The following CABCOCO1 variants were observed in gnomAD, a reference collection of about 807,000 sequenced individuals.
CABCOCO1 encodes ciliary associated calcium binding coiled-coil 1.
CABCOCO1 carries 28 observed loss-of-function variants against 35.7 expected under a neutral mutation model. That is an observed-to-expected ratio of 0.78 (90% CI 0.58 to 1.07). The LOEUF is 1.07. Among genes scored for constraint, CABCOCO1 ranks in the 50% least tolerant of loss-of-function variants. The probability of loss-of-function intolerance (pLI) is 0.00; values close to 1 mark genes in which losing one functional copy is unlikely to be tolerated. For missense variants in CABCOCO1, 326 were observed against 309.2 expected, an observed-to-expected ratio of 1.05 and a Z score of -0.41; for synonymous variants, 95 against 100.1, an observed-to-expected ratio of 0.95 and a Z score of 0.30.
At chr10:61,681,687 G>T (rs1357117379) in intron 3 of CABCOCO1, among the ~76,000 whole-genome samples, 2 of 152,038 alleles carry the variant, frequency 1.3e-5, no homozygotes, top group South Asian at 4.1e-4. Flanking sequence ...TAGAATATTA[G>T]GCAGCTATAA....
At chr10:61,717,314 T>C (rs928220461) in intron 5 of CABCOCO1, among the ~76,000 whole-genome samples, 2 of 152,200 alleles carry the variant, frequency 1.3e-5, no homozygotes, top group African/African-American at 4.8e-5. Context: ...ATTCATTTCA[T>C]ATTTAATGGA....
At chr10:61,677,646 T>C (rs989237080) in intron 2 of CABCOCO1, among the ~76,000 whole-genome samples, 2 of 151,956 alleles carry the variant, frequency 1.3e-5, no homozygotes, top group Non-Finnish European at 2.9e-5. Context: ...CTGCACCCAT[T>C]AACTCATCAT....
intron 5 of CABCOCO1, among the ~76,000 whole-genome samples, chr10:61,718,199 T>C (rs1025275548): frequency 6.6e-6 from 1 of 152,180 alleles, no homozygotes; most frequent in African/African-American, 2.4e-5. Context: ...AAAATCAGTA[T>C]GATTTTCCAT....
At chr10:61,696,524 G>T (rs1840300305) in intron 5 of CABCOCO1, among the ~76,000 whole-genome samples, 1 of 151,898 alleles carries the variant, frequency 6.6e-6, no homozygotes, top group Non-Finnish European at 1.5e-5. Flanking sequence ...TAGAGATAGG[G>T]TCTCATTCTG....
chr10:61,688,691 A>G (rs1034135891), intron 4 of CABCOCO1, among the ~76,000 whole-genome samples: 1 of 152,120 alleles, frequency 6.6e-6, no homozygotes, highest in East Asian at 1.9e-4. Context: ...AAGAAAATCA[A>G]CCCTGCCGCT....
intron 5 of CABCOCO1, among the ~76,000 whole-genome samples, chr10:61,736,672 G>T (rs1841423340): frequency 6.6e-6 from 1 of 152,088 alleles, no homozygotes; most frequent in African/African-American, 2.4e-5. Flanking sequence ...CTCTAGTTCT[G>T]TGAAGAATGT....
Position 61,690,566 on chromosome 10 carries a change from A to G in CABCOCO1, c.497A>G (p.Lys166Arg). 3 of 1,606,422 alleles carry G rather than the reference A, an allele frequency of 1.9e-6. No homozygotes were observed. The highest frequency in any genetic ancestry group is 1.7e-5 in the Admixed American group (1 of 59,656). ...YLKISLFQHY[K>R]LYEFMFYSAR... ...TATTTCAGCTTATTTCAACACTACA[A>G]GCTATACGAGTTTATGTTCTACTCT... The change falls in exon 5 of 8, where the codon AAG becomes AGG. Residue 166 changes from lysine to arginine, a missense_variant. Coordinates refer to ENST00000648843, the MANE Select transcript of CABCOCO1 (RefSeq NM_001366906.2).
chr10:61,711,743 G>C (rs1029907176), intron 5 of CABCOCO1, among the ~76,000 whole-genome samples: 10 of 151,924 alleles, frequency 6.6e-5, no homozygotes, highest in Non-Finnish European at 1.2e-4. Flanking sequence ...AATTTCAAAA[G>C]ATTCAAATCA....
At chr10:61,731,651 A>G (rs562922904) in intron 5 of CABCOCO1, among the ~76,000 whole-genome samples, 5 of 151,828 alleles carry the variant, frequency 3.3e-5, no homozygotes, top group African/African-American at 1.2e-4. Context: ...ATTTTGCTTA[A>G]CTAAATTTGC....
intron 5 of CABCOCO1, among the ~76,000 whole-genome samples, chr10:61,691,542 G>A (rs61850474): frequency 0.16 from 23,930 of 151,838 alleles, 2,079 homozygotes; most frequent in Middle Eastern, 0.22. Context: ...TGTGCAGAAC[G>A]TGCAGGTTTG....
chr10:61,765,288 A>G (rs1235289974), intron 7 of CABCOCO1, among the ~76,000 whole-genome samples: 9 of 152,216 alleles, frequency 5.9e-5, no homozygotes, highest in African/African-American at 2.2e-4. Flanking sequence ...TATTTATGGA[A>G]TTGTGCAGGT....
At chr10:61,681,729 T>C (rs558422860) in intron 3 of CABCOCO1, among the ~76,000 whole-genome samples, 10 of 152,244 alleles carry the variant, frequency 6.6e-5, no homozygotes, top group African/African-American at 2.4e-4. Flanking sequence ...TTCTGTGTAC[T>C]GTATGGGAAA....
chr10:61,685,032 C>A (rs2131984132), intron 3 of CABCOCO1: 1 of 152,254 alleles, frequency 6.6e-6, no homozygotes, highest in Middle Eastern at 3.4e-3. Flanking sequence ...GATGAGAAAT[C>A]ACTGAGCTCT....
intron 5 of CABCOCO1, among the ~76,000 whole-genome samples, chr10:61,704,047 T>C (rs1183174576): frequency 6.6e-6 from 1 of 150,734 alleles, no homozygotes; most frequent in African/African-American, 2.4e-5. Context: ...GAAACCCCCG[T>C]CTCTATTAAA....
At chr10:61,686,218 A>T (rs1839957990) in intron 4 of CABCOCO1, 33 bp downstream of exon 4, 1 of 1,473,764 alleles carries the variant, frequency 6.8e-7, no homozygotes, top group Non-Finnish European at 9.1e-7. Context: ...TTTATTTTTC[A>T]TTTCACATCT....
At chr10:61,703,012 G>A (rs1275875627) in intron 5 of CABCOCO1, among the ~76,000 whole-genome samples, 2 of 152,032 alleles carry the variant, frequency 1.3e-5, no homozygotes, top group Non-Finnish European at 2.9e-5. Flanking sequence ...GGATGTGGTA[G>A]AGGGAAGTTA....
rs565348678 is a variant in CABCOCO1, at chr10:61,712,227, G to A, written c.552+21606G>A. On this transcript the variant is annotated intron_variant, in intron 5 of 7. Transcript: ENST00000648843. Reference sequence around the variant, plus strand: ...AACTGGTGTCAGATGGTTTCTCATCGTGGTTTTGATTTGCATTTCTCTGAT... The same window carrying A: ...AACTGGTGTCAGATGGTTTCTCATCATGGTTTTGATTTGCATTTCTCTGAT... Among the ~76,000 whole-genome samples the A allele has an allele frequency of 5.3e-5, 8 of 152,230 alleles. No homozygotes were observed. In the East Asian group the frequency reaches 1.2e-3, roughly 22 times the overall value.
At chr10:61,725,397 G>A (rs1335173828) in intron 5 of CABCOCO1, among the ~76,000 whole-genome samples, 1 of 152,042 alleles carries the variant, frequency 6.6e-6, no homozygotes, top group Non-Finnish European at 1.5e-5. Context: ...AAGAAAATGT[G>A]GCGCATATAC....
At chr10:61,686,313 T>C (rs2393832) in intron 4 of CABCOCO1, 128 bp downstream of exon 4, 585,849 of 721,268 alleles carry the variant, frequency 0.81, 241,170 homozygotes, top group Middle Eastern at 0.91. Context: ...ATTAGCCCAA[T>C]CAATAATTAG....
Sources: allele counts gnomAD v4.1 joint callset (sites outside exome capture counted in the v4.1 genomes callset), GRCh38; gene constraint gnomAD v4.1.1; transcripts MANE v1.5; gene names NCBI Gene and HGNC (gene_info 2026-07-23, HGNC 2026-07-21).